The following PCDH11X variants were observed in gnomAD, a reference collection of about 807,000 sequenced individuals.
The protein encoded by PCDH11X is protocadherin 11 X-linked.
PCDH11X carries 18 observed loss-of-function variants against 53.3 expected under a neutral mutation model. That is an observed-to-expected ratio of 0.34 (90% CI 0.23 to 0.50). The LOEUF is 0.50. PCDH11X is among the 20% of genes least tolerant of loss of function. The pLI is 0.98. For synonymous variants in PCDH11X, 279 were observed against 393.3 expected (o/e 0.71, Z 3.44); for missense variants, 570 against 1,032.4 (o/e 0.55, Z 6.14).
chrX:92,478,397 G>T (rs2073434019), intron 10 of PCDH11X, among the ~76,000 whole-genome samples: 1 of 110,225 alleles, frequency 9.1e-6, no homozygotes, highest in African/African-American at 3.3e-5. Flanking sequence ...GTTATTTCTT[G>T]TCTTCTGCTA....
chrX:91,909,334 C>T (rs1941298331), intron 6 of PCDH11X, among the ~76,000 whole-genome samples: 1 of 108,991 alleles, frequency 9.2e-6, no homozygotes, highest in Non-Finnish European at 1.9e-5. Context: ...GTAAAAATAT[C>T]ACCCTCTCCT....
rs745975303 is a variant in PCDH11X at position 92,453,557 on chromosome X, A to T, written c.3344-14742A>T. Among the ~76,000 whole-genome samples, 3 of 109,920 alleles carry T rather than the reference A, an allele frequency of 2.7e-5. No homozygotes were observed. In the East Asian group the frequency reaches 8.5e-4, roughly 31 times the overall value. Reference sequence around the variant, plus strand: ...AGGCATATTCATGGAATCCTCTCCAACTATTTAGTTAACAGAATGAGATTA... The same window carrying T: ...AGGCATATTCATGGAATCCTCTCCATCTATTTAGTTAACAGAATGAGATTA... On this transcript the variant is annotated intron_variant, in intron 9 of 10. Coordinates refer to ENST00000682573, the MANE Select transcript of PCDH11X (RefSeq NM_032968.5).
At chrX:92,136,899 C>T (rs2065091326) in intron 6 of PCDH11X, among the ~76,000 whole-genome samples, 1 of 105,802 alleles carries the variant, frequency 9.5e-6, no homozygotes, top group Admixed American at 1.0e-4. Flanking sequence ...TTTTCATTTT[C>T]CCTAAAAATT....
chrX:91,923,787 A>G (rs1372768752), intron 6 of PCDH11X, among the ~76,000 whole-genome samples: 1 of 111,359 alleles, frequency 9.0e-6, no homozygotes, highest in Non-Finnish European at 1.9e-5. Flanking sequence ...GGATTAATGC[A>G]AGAATAGAAA....
chrX:92,500,457 C>A (rs1035719623), intron 10 of PCDH11X, among the ~76,000 whole-genome samples: 25 of 110,395 alleles, frequency 2.3e-4, no homozygotes, highest in South Asian at 7.6e-4. Context: ...TGTTTAACAT[C>A]AGGGATGATC....
intron 8 of PCDH11X, among the ~76,000 whole-genome samples, chrX:92,284,869 T>C (rs2068328357): frequency 1.8e-5 from 2 of 111,803 alleles, no homozygotes; most frequent in Admixed American, 1.9e-4. Flanking sequence ...TTATCACATA[T>C]GGGACTGCAT....
chrX:91,973,374 C>T (rs1208945151), intron 6 of PCDH11X, among the ~76,000 whole-genome samples: 1 of 100,217 alleles, frequency 1.0e-5, no homozygotes, highest in Admixed American at 1.1e-4. Flanking sequence ...ACCAGCATGG[C>T]ACATGTATAG....
At chrX:92,531,171 A>C in intron 10 of PCDH11X, among the ~76,000 whole-genome samples, 1 of 110,792 alleles carries the variant, frequency 9.0e-6, no homozygotes. Context: ...GTAAGAATTT[A>C]AGACTAAATG....
chrX:92,516,802 A>T (rs2074278798), intron 10 of PCDH11X, among the ~76,000 whole-genome samples: 1 of 112,233 alleles, frequency 8.9e-6, no homozygotes, highest in South Asian at 3.6e-4. Context: ...AACAACCTCA[A>T]CCACAAACAC....
intron 10 of PCDH11X, among the ~76,000 whole-genome samples, chrX:92,471,995 C>G (rs2073273871): frequency 9.1e-6 from 1 of 110,111 alleles, no homozygotes; most frequent in Non-Finnish European, 1.9e-5. Context: ...ATTATAGATG[C>G]TGGATATTAG....
chrX:92,139,486 G>T (rs2065142454), intron 6 of PCDH11X, among the ~76,000 whole-genome samples: 1 of 108,355 alleles, frequency 9.2e-6, no homozygotes, highest in Non-Finnish European at 1.9e-5. Flanking sequence ...GTGGTCTCAA[G>T]CTCCTGACCT....
intron 6 of PCDH11X, among the ~76,000 whole-genome samples, chrX:92,049,450 TA>T (rs1275164500): frequency 1.9e-5 from 2 of 105,205 alleles, no homozygotes; most frequent in Admixed American, 1.0e-4. Flanking sequence ...TTGGGCAAGA[TA>T]AAAAAAAAAC....
chrX:92,218,578 C>A (rs1333847747), intron 7 of PCDH11X, among the ~76,000 whole-genome samples: 1 of 109,975 alleles, frequency 9.1e-6, no homozygotes. Flanking sequence ...CAAACAGAGT[C>A]CAGGACCAGA....
At chrX:92,605,520 C>A (rs1193191150) in intron 10 of PCDH11X, among the ~76,000 whole-genome samples, 15 of 111,318 alleles carry the variant, frequency 1.3e-4, no homozygotes, top group Non-Finnish European at 2.3e-4. Context: ...ATCCAGATTG[C>A]AAAGAAAGAA....
chrX:92,013,621 G>A (rs1196235529), intron 6 of PCDH11X, among the ~76,000 whole-genome samples: 1 of 111,611 alleles, frequency 9.0e-6, no homozygotes, highest in Non-Finnish European at 1.9e-5. Flanking sequence ...CACACCACCT[G>A]ACTTCAAACT....
intron 9 of PCDH11X, among the ~76,000 whole-genome samples, chrX:92,447,403 G>T (rs2072678041): frequency 1.8e-5 from 2 of 110,764 alleles, no homozygotes; most frequent in African/African-American, 6.6e-5. Flanking sequence ...TAGGGAACTG[G>T]TAACTGCATC....
intron 10 of PCDH11X, among the ~76,000 whole-genome samples, chrX:92,590,078 C>G (rs1482932632): frequency 7.3e-5 from 8 of 108,963 alleles, no homozygotes; most frequent in Non-Finnish European, 1.5e-4. Flanking sequence ...CCAACCCCAC[C>G]CAATTTATCC....
Position 92,378,088 on chromosome X carries a change from G to A in PCDH11X, c.3145-9647G>A, listed in dbSNP as rs747171948. Among the ~76,000 whole-genome samples the A allele has an allele frequency of 5.7e-3, 595 of 104,039 alleles. 4 individuals are homozygous for A. Among genetic ancestry groups the A allele is most frequent in the African/African-American group, 0.02 (569 of 28,734 alleles). 90.3% of individuals were successfully genotyped at this position (104,039 alleles called of 115,157 possible). On this transcript the variant is annotated intron_variant, in intron 8 of 10. Transcript: ENST00000682573. ...TTTTTGATCTACAAAGAGGGTATAT[G>A]AGCAATAAAAATCCCAGAAATGTTG...
rs917214272 is a variant in PCDH11X at position 92,250,873 on chromosome X, A to G, written c.3115-12241A>G. On this transcript the variant is annotated intron_variant, in intron 7 of 10. Transcript: ENST00000682573. ...GAATATAAGAGGTGATAGATCAAGG[A>G]TATGGTGTTTCTTTTTGAGGTGATG... Among the ~76,000 whole-genome samples the G allele has an allele frequency of 3.7e-4, 40 of 109,312 alleles. No individual in the cohort carries two copies. The Admixed American group carries it at 3.9e-3, about 11-fold the overall frequency. 94.9% of individuals were successfully genotyped at this position (109,312 alleles called of 115,157 possible).
Sources: gnomAD v4.1 joint callset for allele counts (sites outside exome capture counted in the v4.1 genomes callset) on GRCh38, gnomAD v4.1.1 for gene constraint, MANE v1.5 for transcripts, NCBI Gene and HGNC (gene_info 2026-07-23, HGNC 2026-07-21) for gene names.